ITPK1: variants seen among roughly 807,000 people sequenced by gnomAD.
ITPK1 encodes inositol-tetrakisphosphate 1-kinase.
ITPK1 carries 21 observed loss-of-function variants against 45.3 expected under a neutral mutation model. That is an observed-to-expected ratio of 0.46 (90% CI 0.33 to 0.67). The LOEUF is 0.67. ITPK1 is among the 30% of genes least tolerant of loss of function. ITPK1 has a pLI of 0.02. For missense variants in ITPK1, 474 were observed against 573.5 expected, an observed-to-expected ratio of 0.83 and a Z score of 1.77; for synonymous variants, 258 against 253.6, an observed-to-expected ratio of 1.02 and a Z score of -0.16.
chr14:92,966,178 AT>A (rs1410038997), intron 5 of ITPK1, among the ~76,000 whole-genome samples: 2 of 56,850 alleles, frequency 3.5e-5, no homozygotes, highest in African/African-American at 4.8e-4. Flanking sequence ...ATTGGTAGAG[AT>A]GGGGGTCTCA....
At chr14:93,108,165 G>C (rs994021435) in intron 2 of ITPK1, among the ~76,000 whole-genome samples, 3 of 152,256 alleles carry the variant, frequency 2.0e-5, no homozygotes, top group African/African-American at 7.2e-5. Context: ...AGGCTGGGCT[G>C]GGCCCAATTC....
At chr14:92,982,945 G>A (rs994055073) in intron 5 of ITPK1, among the ~76,000 whole-genome samples, 1 of 152,198 alleles carries the variant, frequency 6.6e-6, no homozygotes, top group Admixed American at 6.5e-5. Flanking sequence ...AAGCTGTGGA[G>A]AGAAAACACT....
chr14:93,072,832 C>T (rs181759143), intron 3 of ITPK1, among the ~76,000 whole-genome samples: 1 of 152,304 alleles, frequency 6.6e-6, no homozygotes, highest in East Asian at 1.9e-4. Flanking sequence ...CCAGGCAGAT[C>T]TCAAACTCAT....
At chr14:93,089,236 C>T (rs774794977) in intron 2 of ITPK1, among the ~76,000 whole-genome samples, 1 of 152,216 alleles carries the variant, frequency 6.6e-6, no homozygotes, top group Non-Finnish European at 1.5e-5. Flanking sequence ...GCCCGGAAGG[C>T]ACTTCCTAAG....
chr14:93,113,133 G>C (rs1376701136), intron 2 of ITPK1, among the ~76,000 whole-genome samples: 1 of 152,188 alleles, frequency 6.6e-6, no homozygotes, highest in Non-Finnish European at 1.5e-5. Context: ...TTCTAGAATG[G>C]CCCTGATGAC....
chr14:92,976,343 T>TAA (rs1885939153), intron 5 of ITPK1, among the ~76,000 whole-genome samples: 34 of 152,272 alleles, frequency 2.2e-4, no homozygotes, highest in Admixed American at 1.4e-3. Flanking sequence ...GAATATGGAC[T>TAA]CTGGAAGCAA....
intron 5 of ITPK1, among the ~76,000 whole-genome samples, chr14:92,964,453 A>G (rs1885240770): frequency 6.6e-6 from 1 of 152,132 alleles, no homozygotes; most frequent in African/African-American, 2.4e-5. Flanking sequence ...TTTTCCAAAC[A>G]AGGCCCCAGG....
intron 2 of ITPK1, among the ~76,000 whole-genome samples, chr14:93,096,047 G>A (rs999541724): frequency 1.3e-5 from 2 of 152,058 alleles, no homozygotes; most frequent in East Asian, 1.9e-4. Context: ...CCTGGAAAGC[G>A]CTGAGAAACC....
chr14:92,950,301 G>C (rs1022001424), intron 9 of ITPK1, among the ~76,000 whole-genome samples: 2 of 152,264 alleles, frequency 1.3e-5, no homozygotes, highest in Non-Finnish European at 2.9e-5. Flanking sequence ...AGGAGCCCCA[G>C]GTGGGCAGGG....
At chr14:92,980,249 A>G (rs1178807655) in intron 5 of ITPK1, among the ~76,000 whole-genome samples, 1 of 152,240 alleles carries the variant, frequency 6.6e-6, no homozygotes, top group Non-Finnish European at 1.5e-5. Context: ...GTCCAGAGAA[A>G]ACACAAAGAG....
Position 92,938,534 on chromosome 14 carries a change from C to G in ITPK1, c.*3027G>C. The G allele has an allele frequency of 6.2e-7, 1 of 1,611,316 alleles. No homozygotes were observed. The highest frequency in any genetic ancestry group is 8.5e-7 in the Non-Finnish European group (1 of 1,177,472). On this transcript the variant is annotated 3_prime_UTR_variant, in exon 11 of 11. Transcript: ENST00000267615. ...AGCACACTTGGCAGTCCCCTGGGTACAGAGAGGAATGTTTTTCCCAGGTTG... is the reference window on the plus strand; with the variant it reads ...AGCACACTTGGCAGTCCCCTGGGTAGAGAGAGGAATGTTTTTCCCAGGTTG...
At chr14:93,055,118 G>A (rs1432919168) in intron 3 of ITPK1, among the ~76,000 whole-genome samples, 2 of 152,156 alleles carry the variant, frequency 1.3e-5, no homozygotes, top group African/African-American at 2.4e-5. Context: ...TCATGCCTAT[G>A]GGACTCATCC....
At chr14:92,980,027 C>T (rs895918332) in intron 5 of ITPK1, among the ~76,000 whole-genome samples, 4 of 152,050 alleles carry the variant, frequency 2.6e-5, no homozygotes, top group Non-Finnish European at 5.9e-5. Flanking sequence ...ACGATCCACC[C>T]GCCTCAGCCT....
chr14:93,019,974 C>T (rs1888387930), intron 3 of ITPK1, among the ~76,000 whole-genome samples: 1 of 152,204 alleles, frequency 6.6e-6, no homozygotes, highest in African/African-American at 2.4e-5. Flanking sequence ...CTGGTTTGTC[C>T]CTCCCAGCAG....
intron 5 of ITPK1, among the ~76,000 whole-genome samples, chr14:92,989,212 T>C (rs1244281889): frequency 1.3e-4 from 20 of 152,170 alleles, no homozygotes; most frequent in Non-Finnish European, 2.9e-5. Flanking sequence ...TGAGCCCTAA[T>C]TAAATTCCCG....
intron 3 of ITPK1, among the ~76,000 whole-genome samples, chr14:93,042,356 G>A (rs189814554): frequency 3.9e-5 from 6 of 152,266 alleles, no homozygotes; most frequent in Admixed American, 2.0e-4. Context: ...AAGCAGCTTC[G>A]ACCCTAATCC....
chr14:92,952,303 G>C (rs965466515), intron 8 of ITPK1, among the ~76,000 whole-genome samples: 2 of 152,154 alleles, frequency 1.3e-5, no homozygotes, highest in East Asian at 3.9e-4. Context: ...TGTTCCCAAA[G>C]TGTGCTGTCA....
chr14:93,080,038 C>A (rs998674830), intron 2 of ITPK1, among the ~76,000 whole-genome samples: 2 of 152,200 alleles, frequency 1.3e-5, no homozygotes, highest in African/African-American at 4.8e-5. Flanking sequence ...ACAAACCACA[C>A]ACAGTCAAAG....
rs544584841 is a variant in ITPK1 at position 93,102,916 on chromosome 14, C to T, written c.95+12153G>A. Among the ~76,000 whole-genome samples the T allele has an allele frequency of 4.0e-5, 6 of 151,710 alleles. No homozygotes were observed. In the South Asian group the frequency reaches 1.0e-3, roughly 26 times the overall value. On this transcript the variant is annotated intron_variant, in intron 2 of 10. Coordinates refer to ENST00000267615, the MANE Select transcript of ITPK1 (RefSeq NM_014216.6). Reference sequence around the variant, plus strand: ...GAGATCGAGACCATCCTGGCTAACACGGTGAAACCCTGTCTCTACTAAAAA... The same window carrying T: ...GAGATCGAGACCATCCTGGCTAACATGGTGAAACCCTGTCTCTACTAAAAA...
Sources: gnomAD v4.1 joint callset for allele counts (sites outside exome capture counted in the v4.1 genomes callset) on GRCh38, gnomAD v4.1.1 for gene constraint, MANE v1.5 for transcripts, NCBI Gene and HGNC (gene_info 2026-07-23, HGNC 2026-07-21) for gene names.